The following PPARGC1A variants were observed in gnomAD, a reference collection of about 807,000 sequenced individuals.
PPARGC1A encodes the protein PPARG coactivator 1 alpha, also known as peroxisome proliferator-activated receptor gamma coactivator 1-alpha.
PPARGC1A carries 25 observed loss-of-function variants against 88.7 expected under a neutral mutation model. The observed-to-expected ratio is 0.28, with a 90% confidence interval of 0.21 to 0.39. PPARGC1A has a LOEUF of 0.39. Ranked by LOEUF, PPARGC1A falls within the 10% of genes least tolerant of loss-of-function variation. The probability of loss-of-function intolerance (pLI) is 1.00; values close to 1 mark genes in which losing one functional copy is unlikely to be tolerated. For synonymous variants in PPARGC1A, 363 were observed against 355.6 expected (o/e 1.02, Z -0.24); for missense variants, 880 against 968.7 (o/e 0.91, Z 1.22).
At chr4:23,872,054 G>C (rs1713485855) in intron 2 of PPARGC1A, among the ~76,000 whole-genome samples, 1 of 152,146 alleles carries the variant, frequency 6.6e-6, no homozygotes. Context: ...ATCACTTAGA[G>C]ATGATGGATC....
At chr4:23,810,625 C>T (rs59547842) in intron 10 of PPARGC1A, among the ~76,000 whole-genome samples, 5 of 152,212 alleles carry the variant, frequency 3.3e-5, no homozygotes, top group Non-Finnish European at 7.4e-5. Flanking sequence ...TATTTACATG[C>T]TTTTGATTAA....
chr4:24,219,393 A>G, the PPARGC1A span, among the ~76,000 whole-genome samples: 1 of 152,164 alleles, frequency 6.6e-6, no homozygotes, highest in African/African-American at 2.4e-5. Context: ...GCCGAATCTT[A>G]CAAACAGCAA....
the PPARGC1A span, among the ~76,000 whole-genome samples, chr4:24,179,757 G>A: frequency 1.2e-4 from 19 of 152,188 alleles, no homozygotes; most frequent in East Asian, 1.4e-3. Flanking sequence ...TTACAGTGCC[G>A]ATACAGTGCC....
At chr4:23,994,029 A>AT in the PPARGC1A span, among the ~76,000 whole-genome samples, 1 of 152,170 alleles carries the variant, frequency 6.6e-6, no homozygotes, top group Non-Finnish European at 1.5e-5. Context: ...AAAGAATAGA[A>AT]GTTTCTAGGT....
chr4:23,875,751 T>A (rs1477607304), intron 2 of PPARGC1A: 1 of 152,206 alleles, frequency 6.6e-6, no homozygotes, highest in Non-Finnish European at 1.5e-5. Context: ...TCTGTGTGTA[T>A]GGAACATATC....
the PPARGC1A span, among the ~76,000 whole-genome samples, chr4:24,003,824 T>TTA: frequency 7.3e-5 from 11 of 151,324 alleles, no homozygotes; most frequent in Non-Finnish European, 1.3e-4. Flanking sequence ...AGATTGATTT[T>TTA]TTTTTTTTTT....
At chr4:23,903,097 T>C (rs1468325593), upstream of PPARGC1A, among the ~76,000 whole-genome samples, 3 of 152,336 alleles carry the variant, frequency 2.0e-5, no homozygotes, top group African/African-American at 2.4e-5. Context: ...ACACTTTTAA[T>C]GGTTCATAGG....
intron 2 of PPARGC1A, among the ~76,000 whole-genome samples, chr4:23,848,635 A>C (rs1351463806): frequency 6.6e-6 from 1 of 152,168 alleles, no homozygotes; most frequent in African/African-American, 2.4e-5. Context: ...ATTGCTGCTC[A>C]ATTTGTCCCC....
the PPARGC1A span, among the ~76,000 whole-genome samples, chr4:24,400,085 G>A: frequency 1.3e-5 from 2 of 152,132 alleles, no homozygotes; most frequent in Admixed American, 6.5e-5. Flanking sequence ...CACACCTGGG[G>A]GAGGAATCTC....
chr4:23,894,239 C>A (rs573046167), upstream of PPARGC1A, among the ~76,000 whole-genome samples: 1 of 152,172 alleles, frequency 6.6e-6, no homozygotes, highest in Admixed American at 6.5e-5. Flanking sequence ...CCTAGAATTG[C>A]TAATATTTTT....
At chr4:24,125,749 C>T in the PPARGC1A span, among the ~76,000 whole-genome samples, 1 of 152,108 alleles carries the variant, frequency 6.6e-6, no homozygotes, top group Non-Finnish European at 1.5e-5. Context: ...ACCTCATACC[C>T]CCAATATATT....
the PPARGC1A span, among the ~76,000 whole-genome samples, chr4:24,239,385 C>T: frequency 6.6e-6 from 1 of 152,218 alleles, no homozygotes; most frequent in Non-Finnish European, 1.5e-5. Flanking sequence ...AGAGAAGCTT[C>T]CCAAGCATGC....
the PPARGC1A span, among the ~76,000 whole-genome samples, chr4:24,176,951 T>C: frequency 6.6e-6 from 1 of 152,194 alleles, no homozygotes; most frequent in Non-Finnish European, 1.5e-5. Flanking sequence ...GGTAAGTTCC[T>C]TGAGGGCAGG....
the PPARGC1A span, among the ~76,000 whole-genome samples, chr4:24,250,440 A>ATGTAT: frequency 6.6e-6 from 1 of 152,300 alleles, no homozygotes; most frequent in South Asian, 2.1e-4. Flanking sequence ...TACAGGAGAG[A>ATGTAT]TACACAGGTG....
At chr4:24,288,779 AG>A in the PPARGC1A span, among the ~76,000 whole-genome samples, 1 of 152,256 alleles carries the variant, frequency 6.6e-6, no homozygotes, top group Non-Finnish European at 1.5e-5. Flanking sequence ...AAACGGCAGT[AG>A]ACATCAACAA....
chr4:24,415,391 G>A, the PPARGC1A span, among the ~76,000 whole-genome samples: 3 of 152,160 alleles, frequency 2.0e-5, no homozygotes, highest in Non-Finnish European at 4.4e-5. Flanking sequence ...CAATTCTTAA[G>A]TAACATAGTA....
chr4:24,242,473 C>T, the PPARGC1A span, among the ~76,000 whole-genome samples: 2 of 152,164 alleles, frequency 1.3e-5, no homozygotes, highest in African/African-American at 4.8e-5. Context: ...TTGGAAGATG[C>T]CCTCCCTTAC....
At chr4:23,868,449 C>CAAAT (rs1474130643) in intron 2 of PPARGC1A, among the ~76,000 whole-genome samples, 2 of 152,116 alleles carry the variant, frequency 1.3e-5, no homozygotes, top group Non-Finnish European at 2.9e-5. Context: ...CTCTCTCTTT[C>CAAAT]TGAATTTGGT....
chr4:23,972,637 C>T, the PPARGC1A span, among the ~76,000 whole-genome samples: 2 of 152,178 alleles, frequency 1.3e-5, no homozygotes, highest in African/African-American at 4.8e-5. Flanking sequence ...TACTTTTGTG[C>T]TGTCTCATAC....
Sources: gnomAD v4.1 joint callset for allele counts (sites outside exome capture counted in the v4.1 genomes callset) on GRCh38, gnomAD v4.1.1 for gene constraint, MANE v1.5 for transcripts, NCBI Gene and HGNC (gene_info 2026-07-23, HGNC 2026-07-21) for gene names.